The following KIAA0825 variants were observed in gnomAD, a reference collection of about 807,000 sequenced individuals.
The protein encoded by KIAA0825 is KIAA0825.
Under a neutral mutation model 147.6 loss-of-function variants are expected in KIAA0825, and 119 were observed. The ratio of observed to expected loss-of-function variants is 0.81; its 90% CI spans 0.69 to 0.94. The LOEUF is 0.94. Ranked by LOEUF, KIAA0825 falls within the 40% of genes least tolerant of loss-of-function variation. KIAA0825 has a pLI of 0.00. For missense variants in KIAA0825, 1,381 were observed against 1,472.7 expected (o/e 0.94, Z 1.02); for synonymous variants, 470 against 518.1 (o/e 0.91, Z 1.26).
At chr5:94,192,537 G>A (rs975999158) in intron 20 of KIAA0825, among the ~76,000 whole-genome samples, 3 of 151,926 alleles carry the variant, frequency 2.0e-5, no homozygotes, top group African/African-American at 4.8e-5. Flanking sequence ...TATGGATTCC[G>A]CTGATTGCAA....
intron 1 of KIAA0825, among the ~76,000 whole-genome samples, chr5:94,591,495 A>T (rs541451893): frequency 2.6e-5 from 4 of 152,342 alleles, no homozygotes; most frequent in Admixed American, 6.5e-5. Context: ...CCCCCCAAAA[A>T]AGCCTGCCTC....
At chr5:94,328,513 A>G (rs1473488765) in intron 20 of KIAA0825, among the ~76,000 whole-genome samples, 1 of 152,058 alleles carries the variant, frequency 6.6e-6, no homozygotes, top group East Asian at 1.9e-4. Flanking sequence ...AAGGAGATTG[A>G]TTAAATGAGA....
At chr5:94,438,662 A>G (rs1177974419) in intron 14 of KIAA0825, among the ~76,000 whole-genome samples, 1 of 152,144 alleles carries the variant, frequency 6.6e-6, no homozygotes, top group East Asian at 1.9e-4. Flanking sequence ...CACAAGAGAC[A>G]CTGCTCCTAA....
chr5:94,393,666 T>G (rs921564738), intron 17 of KIAA0825, among the ~76,000 whole-genome samples: 2 of 152,162 alleles, frequency 1.3e-5, no homozygotes, highest in African/African-American at 4.8e-5. Flanking sequence ...CATATATTTT[T>G]TTAAATTATG....
intron 17 of KIAA0825, among the ~76,000 whole-genome samples, chr5:94,393,874 G>A (rs1465293078): frequency 1.4e-5 from 2 of 148,000 alleles, no homozygotes; most frequent in Non-Finnish European, 3.0e-5. Context: ...TTGAGACAGA[G>A]TTTCACTCTT....
At chr5:94,575,823 T>C (rs562788089) in intron 2 of KIAA0825, among the ~76,000 whole-genome samples, 5 of 152,270 alleles carry the variant, frequency 3.3e-5, no homozygotes, top group African/African-American at 9.6e-5. Context: ...TGTTTGCCCA[T>C]AAGGATTTCT....
rs558847554 is a variant in KIAA0825, at chr5:94,199,884, T to G, written c.3711-45760A>C. On this transcript the variant is annotated intron_variant, in intron 20 of 20. Coordinates refer to ENST00000682413, the MANE Select transcript of KIAA0825 (RefSeq NM_001145678.3). ...AATTGTGGTGGTGGCCACTGGAAAG[T>G]GCTTTAGTGGGGAAGCTGAGGCTGT... Among the ~76,000 whole-genome samples the G allele has an allele frequency of 2.0e-5, 3 of 152,220 alleles. No individual in the cohort carries two copies. The East Asian group carries it at 5.8e-4, about 29-fold the overall frequency.
intron 1 of KIAA0825, among the ~76,000 whole-genome samples, chr5:94,601,956 T>C (rs1173023225): frequency 6.6e-6 from 1 of 152,168 alleles, no homozygotes; most frequent in Non-Finnish European, 1.5e-5. Context: ...TGGAACCAAT[T>C]TGGAAAACAT....
intron 10 of KIAA0825, among the ~76,000 whole-genome samples, chr5:94,469,432 A>G (rs912062116): frequency 2.0e-5 from 3 of 152,166 alleles, no homozygotes; most frequent in African/African-American, 7.2e-5. Flanking sequence ...TTACCCTTCC[A>G]AAGTGCTGGG....
chr5:94,463,192 T>C (rs1043402958), intron 11 of KIAA0825, among the ~76,000 whole-genome samples: 2 of 151,654 alleles, frequency 1.3e-5, no homozygotes, highest in Non-Finnish European at 3.0e-5. Context: ...CAAGTTTTAA[T>C]AGGGACCCGA....
chr5:94,345,214 G>A (rs1383619095), intron 20 of KIAA0825, among the ~76,000 whole-genome samples: 1 of 152,042 alleles, frequency 6.6e-6, no homozygotes, highest in African/African-American at 2.4e-5. Flanking sequence ...TCTATTCCTG[G>A]GCATAGGTTA....
chr5:94,428,700 T>A (rs1425078702), intron 14 of KIAA0825, among the ~76,000 whole-genome samples: 1 of 152,204 alleles, frequency 6.6e-6, no homozygotes, highest in Non-Finnish European at 1.5e-5. Context: ...TTAGCCTTGA[T>A]CTTGGATAGT....
At chr5:94,471,791 T>A in intron 8 of KIAA0825, 60 bp from the exon 9 acceptor site, 4 of 1,474,876 alleles carry the variant, frequency 2.7e-6, no homozygotes, top group Non-Finnish European at 3.7e-6. Flanking sequence ...AAGTAATTTA[T>A]GGACAGTGGA....
intron 20 of KIAA0825, among the ~76,000 whole-genome samples, chr5:94,177,967 G>A (rs1769258900): frequency 6.6e-6 from 1 of 151,932 alleles, no homozygotes. Context: ...ATTAATAAAT[G>A]GCAGTATTGT....
At chr5:94,164,004 C>G (rs1236361990) in intron 20 of KIAA0825, among the ~76,000 whole-genome samples, 1 of 152,112 alleles carries the variant, frequency 6.6e-6, no homozygotes, top group Non-Finnish European at 1.5e-5. Context: ...GAGAGATCAA[C>G]CTTAGTTTGT....
intron 5 of KIAA0825, among the ~76,000 whole-genome samples, chr5:94,493,682 G>A (rs113425902): frequency 0.055 from 8,343 of 152,108 alleles, 315 homozygotes; most frequent in Non-Finnish European, 0.086. Context: ...TAGAGACGGG[G>A]TTTCACCATG....
At chr5:94,366,442 C>T (rs866661945) in intron 20 of KIAA0825, among the ~76,000 whole-genome samples, 7 of 152,242 alleles carry the variant, frequency 4.6e-5, no homozygotes, top group Middle Eastern at 6.8e-3. Context: ...CCTTGGTCCT[C>T]CTCACCCACG....
intron 15 of KIAA0825, 54 bp downstream of exon 15, chr5:94,417,147 G>T (rs1226081895): frequency 1.4e-6 from 2 of 1,459,920 alleles, no homozygotes; most frequent in Admixed American, 2.0e-5. Context: ...ATCTTTAAAG[G>T]TACATATAAG....
intron 16 of KIAA0825, among the ~76,000 whole-genome samples, chr5:94,402,010 G>A (rs1192173411): frequency 6.6e-6 from 1 of 152,116 alleles, no homozygotes; most frequent in African/African-American, 2.4e-5. Flanking sequence ...TTCGCCTATT[G>A]TCATATCCTC....
Sources: allele counts gnomAD v4.1 joint callset (sites outside exome capture counted in the v4.1 genomes callset), GRCh38; gene constraint gnomAD v4.1.1; transcripts MANE v1.5; gene names NCBI Gene and HGNC (gene_info 2026-07-23, HGNC 2026-07-21).